The following ZNF577 variants were observed in gnomAD, a reference collection of about 807,000 sequenced individuals.
ZNF577 encodes zinc finger protein 577.
ZNF577 carries 14 observed loss-of-function variants against 13.9 expected under a neutral mutation model. That is an observed-to-expected ratio of 1.00 (90% CI 0.66 to 1.57). The LOEUF (loss-of-function observed/expected upper bound fraction) is 1.57. Ranked by LOEUF, ZNF577 falls within the 40% of genes most tolerant of loss-of-function variation. The pLI, the probability that ZNF577 is intolerant of heterozygous loss-of-function variation, is 0.00. For missense variants in ZNF577, 555 were observed against 579.2 expected (o/e 0.96, Z 0.43); for synonymous variants, 203 against 202.9 (o/e 1.00, Z 0.00).
chr19:51,844,048 C>T (rs1010888622), intron 6 of ZNF577, among the ~76,000 whole-genome samples: 4 of 133,806 alleles, frequency 3.0e-5, no homozygotes, highest in Admixed American at 7.9e-5. Flanking sequence ...ATAGCCACTA[C>T]ACTTTTTTTT....
chr19:51,876,231 T>G (rs2084759707), intron 5 of ZNF577, among the ~76,000 whole-genome samples: 1 of 152,206 alleles, frequency 6.6e-6, no homozygotes, highest in East Asian at 1.9e-4. Flanking sequence ...GTGAGTATAC[T>G]ACATGATGGT....
intron 10 of ZNF577, among the ~76,000 whole-genome samples, chr19:51,810,455 C>T (rs991324698): frequency 2.6e-5 from 4 of 152,168 alleles, no homozygotes; most frequent in Admixed American, 1.3e-4. Flanking sequence ...TACTGGGACT[C>T]CCTCTTCAGG....
intron 9 of ZNF577, among the ~76,000 whole-genome samples, chr19:51,838,422 CA>C (rs1446996705): frequency 1.3e-4 from 19 of 151,634 alleles, no homozygotes; most frequent in Non-Finnish European, 2.5e-4. Context: ...GTTAAATATG[CA>C]TTTAAATGTT....
chr19:51,880,687 T>G lies in ZNF577; in HGVS notation c.-28A>C. 1 of 374,714 alleles carries G rather than the reference T, an allele frequency of 2.7e-6. No individual in the cohort carries two copies. The highest frequency in any genetic ancestry group is 4.9e-6 in the Non-Finnish European group (1 of 203,926). 23.2% of individuals were successfully genotyped at this position (374,714 alleles called of 1,614,324 possible). A position where few individuals can be genotyped will look rare whatever the true frequency, so the allele number is the denominator to read the frequency against. ...GGTAAAACAAACCTCACCTGGGCCTTGCCCATTTCGTTCAACTCTTAGGGG... is the reference window on the plus strand; with the variant it reads ...GGTAAAACAAACCTCACCTGGGCCTGGCCCATTTCGTTCAACTCTTAGGGG... On this transcript the variant is annotated 5_prime_UTR_variant, in exon 2 of 6. Coordinates refer to ENST00000638348, the MANE Select transcript of ZNF577 (RefSeq NM_001370449.1).
intron 9 of ZNF577, among the ~76,000 whole-genome samples, chr19:51,830,900 A>T (rs7250716): frequency 5.1e-4 from 77 of 152,094 alleles, no homozygotes; most frequent in African/African-American, 1.8e-3. Flanking sequence ...CATAATCCAC[A>T]ACTTCTCTTC....
chr19:51,850,225 C>T (rs1205875890), intron 5 of ZNF577, among the ~76,000 whole-genome samples: 1 of 152,144 alleles, frequency 6.6e-6, no homozygotes, highest in Non-Finnish European at 1.5e-5. Context: ...CTTTGTTTAC[C>T]TGGTTGCCTT....
At chr19:51,814,543 A>C (rs1441419997) in intron 9 of ZNF577, among the ~76,000 whole-genome samples, 2 of 152,020 alleles carry the variant, frequency 1.3e-5, no homozygotes, top group Non-Finnish European at 2.9e-5. Context: ...ACCCAGGATG[A>C]AGTGCAGTGG....
At position 51,873,527 on chromosome 19, in the gene ZNF577, C is replaced by T. The variant is rs1394922320; in HGVS notation, c.463G>A (p.Gly155Arg). Reference sequence around the variant, plus strand: ...CACACACTGCATTCATGTGGTTTCCCTCCTGCACAAATTTTTTGTAGGTCA... The same window carrying T: ...CACACACTGCATTCATGTGGTTTCCTTCCTGCACAAATTTTTTGTAGGTCA... ...LNDLQKICAG[G>R]KPHECSVCGR... The change falls in exon 6 of 6, where the codon GGG becomes AGG. Residue 155 changes from glycine (G) to arginine (R), a missense_variant. Physicochemically the swap from Gly to Arg is moderately radical, Grantham distance 125 (BLOSUM62 -2). Transcript: ENST00000638348. 2 of 1,614,204 alleles carry T rather than the reference C, an allele frequency of 1.2e-6. No homozygotes were observed. Among genetic ancestry groups the T allele is most frequent in the Admixed American group, 3.3e-5 (2 of 60,022 alleles).
chr19:51,816,873 T>C (rs2084141053), intron 9 of ZNF577, among the ~76,000 whole-genome samples: 1 of 152,218 alleles, frequency 6.6e-6, no homozygotes, highest in South Asian at 2.1e-4. Context: ...CCCACACATA[T>C]GCTGTTAGAA....
intron 5 of ZNF577, among the ~76,000 whole-genome samples, chr19:51,853,025 C>T (rs531270569): frequency 4.0e-5 from 6 of 151,566 alleles, no homozygotes; most frequent in African/African-American, 1.5e-4. Context: ...TCCGCCTCTG[C>T]CTTCGGGCTC....
intron 5 of ZNF577, among the ~76,000 whole-genome samples, chr19:51,847,877 T>C (rs2084360984): frequency 6.6e-6 from 1 of 152,210 alleles, no homozygotes; most frequent in Admixed American, 6.5e-5. Flanking sequence ...CTCACTGGGC[T>C]GGATGGCCAG....
At chr19:51,818,203 T>C (rs2084157460) in intron 9 of ZNF577, among the ~76,000 whole-genome samples, 1 of 152,210 alleles carries the variant, frequency 6.6e-6, no homozygotes, top group South Asian at 2.1e-4. Context: ...TAAGACTTAG[T>C]ATGAAAAAAG....
At chr19:51,818,264 A>G (rs1324344726) in intron 9 of ZNF577, among the ~76,000 whole-genome samples, 27 of 152,204 alleles carry the variant, frequency 1.8e-4, no homozygotes, top group Non-Finnish European at 4.4e-5. Context: ...TGTTCCAATG[A>G]TACCCTTTTT....
At chr19:51,830,935 C>T (rs762391574) in intron 9 of ZNF577, among the ~76,000 whole-genome samples, 4 of 152,086 alleles carry the variant, frequency 2.6e-5, no homozygotes, top group Non-Finnish European at 5.9e-5. Context: ...GTATCTACCT[C>T]CCTCCTCTGC....
intron 5 of ZNF577, among the ~76,000 whole-genome samples, chr19:51,858,768 A>G (rs761597235): frequency 2.8e-4 from 43 of 152,148 alleles, no homozygotes; most frequent in Non-Finnish European, 4.4e-4. Flanking sequence ...AGTAAGTCTC[A>G]TTTTGTTAAA....
intron 8 of ZNF577, among the ~76,000 whole-genome samples, chr19:51,841,648 G>A (rs1489189569): frequency 6.6e-6 from 1 of 152,182 alleles, no homozygotes; most frequent in Non-Finnish European, 1.5e-5. Context: ...GCCCGATGCG[G>A]TGGCTCATGC....
At chr19:51,845,437 G>A (rs570296884) in intron 5 of ZNF577, among the ~76,000 whole-genome samples, 27 of 151,580 alleles carry the variant, frequency 1.8e-4, no homozygotes, top group Non-Finnish European at 3.2e-4. Flanking sequence ...TATGGTCAGC[G>A]AAGATTGCAC....
chr19:51,867,324 T>C lies in ZNF577; in HGVS notation c.*5208A>G, dbSNP rs1245212859. Among the ~76,000 whole-genome samples, 1 of 152,192 alleles carries C rather than the reference T, an allele frequency of 6.6e-6. No homozygotes were observed. Among genetic ancestry groups the C allele is most frequent in the Non-Finnish European group, 1.5e-5 (1 of 68,020 alleles). Reference sequence around the variant, plus strand: ...TTCGGTTCTTAGGAAAAGGATATCATTTCTAAGGTATGATCTAGATATTGT... The same window carrying C: ...TTCGGTTCTTAGGAAAAGGATATCACTTCTAAGGTATGATCTAGATATTGT... On this transcript the variant is annotated 3_prime_UTR_variant, in exon 6 of 6. Transcript: ENST00000638348.
At chr19:51,861,154 T>G (rs2084495699) in intron 5 of ZNF577, 1 of 296,634 alleles carries the variant, frequency 3.4e-6, no homozygotes, top group Non-Finnish European at 5.9e-6. Context: ...AGTCTCACTC[T>G]GTCACCCAGG....
Sources: gnomAD v4.1 joint callset for allele counts (sites outside exome capture counted in the v4.1 genomes callset) on GRCh38, gnomAD v4.1.1 for gene constraint, MANE v1.5 for transcripts, NCBI Gene and HGNC (gene_info 2026-07-23, HGNC 2026-07-21) for gene names.